EXOC4: variants seen among roughly 807,000 people sequenced by gnomAD.
EXOC4 encodes the protein SEC8-like 1.
Under a neutral mutation model 107.2 loss-of-function variants are expected in EXOC4, and 71 were observed. That is an observed-to-expected ratio of 0.66 (90% CI 0.55 to 0.81). EXOC4 has a LOEUF of 0.81. Ranked by LOEUF, EXOC4 falls within the 30% of genes least tolerant of loss-of-function variation. The pLI, the probability that EXOC4 is intolerant of heterozygous loss-of-function variation, is 0.00. For synonymous variants in EXOC4, 456 were observed against 441.2 expected (o/e 1.03, Z -0.42); for missense variants, 1,108 against 1,189.6 (o/e 0.93, Z 1.01).
At chr7:133,955,675 G>A (rs1468445463) in intron 14 of EXOC4, among the ~76,000 whole-genome samples, 1 of 152,222 alleles carries the variant, frequency 6.6e-6, no homozygotes, top group African/African-American at 2.4e-5. Flanking sequence ...TCCTGCTGCT[G>A]TTCATGGTGC....
intron 10 of EXOC4, among the ~76,000 whole-genome samples, chr7:133,793,634 C>T (rs1265383371): frequency 6.6e-6 from 1 of 152,142 alleles, no homozygotes; most frequent in Non-Finnish European, 1.5e-5. Context: ...CACCTGAGGT[C>T]AGGAATTCTA....
Position 133,817,304 on chromosome 7 carries a change from T to C in EXOC4, c.1515-21T>C, listed in dbSNP as rs1264605118. On this transcript the variant is annotated intron_variant, in intron 10 of 17. Transcript: ENST00000253861. Reference sequence around the variant, plus strand: ...CATTTTCCTCATAAATTTAATAACCTTCTTACTGTTTGTCCTCCAGATTTA... The same window carrying C: ...CATTTTCCTCATAAATTTAATAACCCTCTTACTGTTTGTCCTCCAGATTTA... 5 of 1,556,462 alleles carry C rather than the reference T, an allele frequency of 3.2e-6. No individual in the cohort carries two copies. In the South Asian group the frequency reaches 4.5e-5, roughly 14 times the overall value.
intron 10 of EXOC4, among the ~76,000 whole-genome samples, chr7:133,783,960 T>C (rs2160745): frequency 0.99 from 150,235 of 152,260 alleles, 74,160 homozygotes; most frequent in Middle Eastern, 1. Flanking sequence ...AACTTATGCA[T>C]GTAATATATT....
chr7:133,741,384 A>G (rs1795560565), intron 10 of EXOC4, among the ~76,000 whole-genome samples: 1 of 152,210 alleles, frequency 6.6e-6, no homozygotes. Flanking sequence ...TTCAAGATAT[A>G]GCTTAAATGT....
At chr7:133,526,224 A>T (rs960537391) in intron 9 of EXOC4, among the ~76,000 whole-genome samples, 2 of 152,202 alleles carry the variant, frequency 1.3e-5, no homozygotes, top group Non-Finnish European at 2.9e-5. Context: ...ATTTCTTTGG[A>T]ATGGTATAAA....
At chr7:133,687,250 C>T (rs190794618) in intron 10 of EXOC4, among the ~76,000 whole-genome samples, 3 of 151,724 alleles carry the variant, frequency 2.0e-5, no homozygotes, top group Admixed American at 6.6e-5. Flanking sequence ...TTTAGGCACT[C>T]GGGAAAGGGT....
chr7:133,304,316 CTG>C (rs1251620940), intron 3 of EXOC4, among the ~76,000 whole-genome samples: 1 of 152,156 alleles, frequency 6.6e-6, no homozygotes, highest in East Asian at 1.9e-4. Flanking sequence ...CTTGGGGACA[CTG>C]TGGTCATTTT....
rs1219242884 is a variant in EXOC4 at position 133,937,973 on chromosome 7, G to A, written c.2110G>A (p.Val704Ile). 14 of 1,614,160 alleles carry A rather than the reference G, an allele frequency of 8.7e-6. No individual in the cohort carries two copies. The highest frequency in any genetic ancestry group is 5.0e-5 in the Admixed American group (3 of 60,008). Residue 704 changes from valine to isoleucine, a missense_variant, in exon 14 of 18, where the codon GTC (valine) becomes ATC (isoleucine). Coordinates refer to ENST00000253861, the MANE Select transcript of EXOC4 (RefSeq NM_021807.4). Reference protein sequence around the residue: ...LIPPQDILRDVSDLKALANMH... With the variant: ...LIPPQDILRDISDLKALANMH... ...CCCTCCACAAGACATCCTTCGTGACGTCAGTGACCTCAAAGCCTTGGCCAA... is the reference window on the plus strand; with the variant it reads ...CCCTCCACAAGACATCCTTCGTGACATCAGTGACCTCAAAGCCTTGGCCAA...
At chr7:133,981,113 T>A (rs1486560865) in intron 14 of EXOC4, among the ~76,000 whole-genome samples, 1 of 152,180 alleles carries the variant, frequency 6.6e-6, no homozygotes, top group Non-Finnish European at 1.5e-5. Flanking sequence ...AACTAGTTAA[T>A]TCTCTGTTTT....
At position 133,898,445 on chromosome 7, in the gene EXOC4, T is replaced by C. The variant is rs1394316813; in HGVS notation, c.1871+2710T>C. On this transcript the variant is annotated intron_variant, in intron 12 of 17. Transcript: ENST00000253861. ...TACCAAAAGAGAATGGAATAAAATA[T>C]TTTAACTATTAAAACTTAGGCCCGA... is the stretch of plus-strand genomic sequence containing the variant. Among the ~76,000 whole-genome samples the C allele has an allele frequency of 2.0e-5, 3 of 152,096 alleles. 1 individual carries two copies. The East Asian group carries it at 5.8e-4, about 29-fold the overall frequency.
intron 1 of EXOC4, among the ~76,000 whole-genome samples, chr7:133,255,996 C>T (rs1215818603): frequency 1.4e-5 from 2 of 146,654 alleles, no homozygotes; most frequent in African/African-American, 2.5e-5. Flanking sequence ...TTTTTTGAGA[C>T]GTAGTCCTGG....
intron 13 of EXOC4, 83 bp downstream of exon 13, chr7:133,917,821 G>A: frequency 7.4e-7 from 1 of 1,348,670 alleles, no homozygotes; most frequent in Admixed American, 2.3e-5. Flanking sequence ...ATGAAATTTA[G>A]GCAAATTCTA....
chr7:134,090,187 C>A, the EXOC4 span, among the ~76,000 whole-genome samples: 1 of 152,292 alleles, frequency 6.6e-6, no homozygotes, highest in East Asian at 1.9e-4. Flanking sequence ...CATAAATACA[C>A]TGACAGACAG....
At chr7:133,660,823 T>C (rs900555029) in intron 10 of EXOC4, among the ~76,000 whole-genome samples, 1 of 152,180 alleles carries the variant, frequency 6.6e-6, no homozygotes, top group Non-Finnish European at 1.5e-5. Flanking sequence ...TACTGCCGCC[T>C]TCAGAAGTCC....
At chr7:133,768,667 C>G (rs1796185826) in intron 10 of EXOC4, among the ~76,000 whole-genome samples, 1 of 151,960 alleles carries the variant, frequency 6.6e-6, no homozygotes. Flanking sequence ...ATTAGCCACA[C>G]TTTAATGAAT....
At chr7:133,653,150 A>C (rs1803202563) in intron 10 of EXOC4, among the ~76,000 whole-genome samples, 1 of 152,184 alleles carries the variant, frequency 6.6e-6, no homozygotes, top group Non-Finnish European at 1.5e-5. Context: ...GTTTTTCTAC[A>C]TATTACATGG....
intron 10 of EXOC4, among the ~76,000 whole-genome samples, chr7:133,752,283 G>A (rs1284123311): frequency 5.9e-5 from 9 of 152,074 alleles, no homozygotes; most frequent in South Asian, 4.1e-4. Flanking sequence ...TTTAAAAGGC[G>A]GACTCTGTGA....
chr7:133,857,276 CGTATATATATATATATAT>C lies in EXOC4; in HGVS notation c.1735-38322_1735-38305del, dbSNP rs1798418659. 3.2e-4 allele frequency among the ~76,000 whole-genome samples: 4 copies of C among 12,686 alleles called. 1 individual carries two copies. The highest frequency in any genetic ancestry group is 2.6e-3 in the African/African-American group (4 of 1,532). 8.3% of individuals were successfully genotyped at this position (12,686 alleles called of 152,430 possible). A position where few individuals can be genotyped will look rare whatever the true frequency, so the allele number is the denominator to read the frequency against. ...ATATATATATATATATATATATACA[CGTATATATATATATATAT>C]ATACACGTATATATATATATATATA... On this transcript the variant is annotated intron_variant, in intron 11 of 17. Transcript: ENST00000253861.
chr7:133,275,606 C>T (rs1326259785), intron 2 of EXOC4, among the ~76,000 whole-genome samples: 1 of 152,130 alleles, frequency 6.6e-6, no homozygotes, highest in African/African-American at 2.4e-5. Context: ...AGTGGCTGAC[C>T]TATTGACACT....
Sources: gnomAD v4.1 joint callset for allele counts (sites outside exome capture counted in the v4.1 genomes callset) on GRCh38, gnomAD v4.1.1 for gene constraint, MANE v1.5 for transcripts, NCBI Gene and HGNC (gene_info 2026-07-23, HGNC 2026-07-21) for gene names.